The following CREB1 variants were observed in gnomAD, a reference collection of about 807,000 sequenced individuals.
CREB1 encodes the protein cyclic AMP-responsive element-binding protein 1.
CREB1 carries 2 observed loss-of-function variants against 42.0 expected under a neutral mutation model. The observed-to-expected ratio is 0.05, with a 90% CI of 0.02 to 0.15. The LOEUF (loss-of-function observed/expected upper bound fraction) is 0.15, where lower values mean the gene tolerates loss of function less well. Among genes scored for constraint, CREB1 ranks in the 10% least tolerant of loss-of-function variants. The pLI, the probability that CREB1 is intolerant of heterozygous loss-of-function variation, is 1.00. For missense variants in CREB1, 199 were observed against 388.9 expected, an observed-to-expected ratio of 0.51 and a Z score of 4.11; for synonymous variants, 123 against 139.9, an observed-to-expected ratio of 0.88 and a Z score of 0.85.
At chr2:207,557,969 AATAAGGTT>A (rs1454635758) in intron 2 of CREB1, among the ~76,000 whole-genome samples, 1 of 152,194 alleles carries the variant, frequency 6.6e-6, no homozygotes, top group Non-Finnish European at 1.5e-5. Flanking sequence ...AGATACTCTG[AATAAGGTT>A]ATGGTTCTCA....
intron 7 of CREB1, among the ~76,000 whole-genome samples, chr2:207,579,575 C>T (rs143539866): frequency 1.3e-5 from 2 of 152,304 alleles, no homozygotes; most frequent in Non-Finnish European, 2.9e-5. Flanking sequence ...AACTACAGTT[C>T]CTACCAGGCT....
At chr2:207,530,670 G>A (rs1448447162) in intron 1 of CREB1, among the ~76,000 whole-genome samples, 1 of 151,194 alleles carries the variant, frequency 6.6e-6, no homozygotes, top group South Asian at 2.1e-4. Flanking sequence ...GATGGAGGAG[G>A]AAGAAGGCGA....
Position 207,600,262 on chromosome 2 carries a change from T to C in CREB1, c.*3204T>C, listed in dbSNP as rs571061116. ...ACATATATATATATATATATATATA[T>C]ACATACAGTATATAATCTAAAGCTC... On this transcript the variant is annotated 3_prime_UTR_variant, in exon 8 of 8. Coordinates refer to ENST00000353267, the MANE Select transcript of CREB1 (RefSeq NM_004379.5). The C allele has an allele frequency of 3.6e-4, 56 of 153,620 alleles. No homozygotes were observed. The highest frequency in any genetic ancestry group is 9.9e-4 in the African/African-American group (38 of 38,492). 9.5% of individuals were successfully genotyped at this position (153,620 alleles called of 1,614,324 possible).
Position 207,571,322 on chromosome 2 carries a change from C to A in CREB1, c.505+1001C>A, listed in dbSNP as rs942574483. Among the ~76,000 whole-genome samples the A allele has an allele frequency of 2.0e-5, 3 of 152,060 alleles. No individual in the cohort carries two copies. The East Asian group carries it at 5.8e-4, about 29-fold the overall frequency. The stretch of plus-strand genomic sequence containing the variant: ...CCATCCAGGAGTTTAAGACCCCATC[C>A]CTATTTATAAAAATAATTTAAAAAT... On this transcript the variant is annotated intron_variant, in intron 5 of 7. Coordinates refer to ENST00000353267, the MANE Select transcript of CREB1 (RefSeq NM_004379.5).
chr2:207,585,492 A>G (rs975583130), intron 7 of CREB1, among the ~76,000 whole-genome samples: 1 of 152,240 alleles, frequency 6.6e-6, no homozygotes, highest in Non-Finnish European at 1.5e-5. Flanking sequence ...TTGCACAGAT[A>G]TCAAGATAAG....
In CREB1 at chr2:207,576,291, T is replaced by A. The variant is rs557691117; in HGVS notation, c.688+837T>A. Among the ~76,000 whole-genome samples, 15 of 151,028 alleles carry A rather than the reference T, an allele frequency of 9.9e-5. No individual in the cohort carries two copies. In the South Asian group the frequency reaches 3.1e-3, roughly 32 times the overall value. On this transcript the variant is annotated intron_variant, in intron 6 of 7. Coordinates refer to ENST00000353267, the MANE Select transcript of CREB1 (RefSeq NM_004379.5). ...TTTTTTCTGTTTATTTCAGGAATCT[T>A]TATGGATAGCAGTTAACCATTTTTC...
At chr2:207,567,396 T>G in intron 3 of CREB1, 67 bp from the exon 4 acceptor site, 1 of 1,141,720 alleles carries the variant, frequency 8.8e-7, no homozygotes, top group South Asian at 1.4e-5. Flanking sequence ...ACTTTTTATA[T>G]TTGTTTAATA....
At chr2:207,535,534 C>T (rs1470633472) in intron 1 of CREB1, among the ~76,000 whole-genome samples, 1 of 151,512 alleles carries the variant, frequency 6.6e-6, no homozygotes, top group Non-Finnish European at 1.5e-5. Flanking sequence ...TGTTAACTTA[C>T]CTTGACGATT....
chr2:207,553,992 A>C (rs2081617938), intron 1 of CREB1, among the ~76,000 whole-genome samples: 1 of 152,186 alleles, frequency 6.6e-6, no homozygotes, highest in Admixed American at 6.5e-5. Context: ...ACAATTTTGT[A>C]ATGGTTCTCT....
intron 1 of CREB1, among the ~76,000 whole-genome samples, chr2:207,537,953 C>T (rs897628248): frequency 6.6e-6 from 1 of 152,220 alleles, no homozygotes; most frequent in Non-Finnish European, 1.5e-5. Context: ...AATGAGCTAT[C>T]TTGGGGATGG....
chr2:207,600,966 G>A lies in CREB1; in HGVS notation c.*3908G>A, dbSNP rs561733446. The A allele has an allele frequency of 1.7e-5, 3 of 172,418 alleles. No homozygotes were observed. Among genetic ancestry groups the A allele is most frequent in the Admixed American group, 1.6e-4 (2 of 12,718 alleles). The allele number at this position is 172,418 out of a possible 1,614,324, so 10.7% of individuals were successfully genotyped here. A position where few individuals can be genotyped will look rare whatever the true frequency, so the allele number is the denominator to read the frequency against. Reference sequence around the variant, plus strand: ...ATTTTTAATTCTATGATCAGCCACAGTCAGCTATTACCATAAATTGGTCTC... The same window carrying A: ...ATTTTTAATTCTATGATCAGCCACAATCAGCTATTACCATAAATTGGTCTC... On this transcript the variant is annotated 3_prime_UTR_variant, in exon 8 of 8. Transcript: ENST00000353267.
At chr2:207,535,307 T>C (rs1169116415) in intron 1 of CREB1, among the ~76,000 whole-genome samples, 1 of 152,240 alleles carries the variant, frequency 6.6e-6, no homozygotes, top group South Asian at 2.1e-4. Flanking sequence ...TTAACTCTTT[T>C]GTTGAGGTTC....
At chr2:207,592,055 T>G (rs1339313833) in intron 7 of CREB1, among the ~76,000 whole-genome samples, 1 of 152,174 alleles carries the variant, frequency 6.6e-6, no homozygotes, top group Non-Finnish European at 1.5e-5. Context: ...TCCCTCTAGT[T>G]TTGTTTGAAA....
Position 207,603,143 on chromosome 2 carries a change from T to C in CREB1, c.*6085T>C, listed in dbSNP as rs982505601. 9.5e-6 allele frequency: 2 copies of C among 210,988 alleles called. No homozygotes were observed. The highest frequency in any genetic ancestry group is 1.2e-4 in the Admixed American group (2 of 17,014). 13.1% of individuals were successfully genotyped at this position (210,988 alleles called of 1,614,324 possible). A position where few individuals can be genotyped will look rare whatever the true frequency, so the allele number is the denominator to read the frequency against. The stretch of plus-strand genomic sequence containing the variant: ...ACATTTCTAATAAAATTCCCTACAT[T>C]CTAGAAACATCCCTGTTTTAATTTT... On this transcript the variant is annotated 3_prime_UTR_variant, in exon 8 of 8. Coordinates refer to ENST00000353267, the MANE Select transcript of CREB1 (RefSeq NM_004379.5).
At chr2:207,595,034 T>G (rs2085853144) in intron 7 of CREB1, among the ~76,000 whole-genome samples, 2 of 150,284 alleles carry the variant, frequency 1.3e-5, no homozygotes, top group Admixed American at 1.3e-4. Context: ...GCTCGCTCTG[T>G]TGCCTAGGTA....
In CREB1 at chr2:207,602,034, G is replaced by A. The variant is rs760532461; in HGVS notation, c.*4976G>A. On this transcript the variant is annotated 3_prime_UTR_variant, in exon 8 of 8. Transcript: ENST00000353267. Reference sequence around the variant, plus strand: ...CATATCATGAAGCTGAGTCAGTATGGAAAATTTTCAAATAAACAGGGTGCT... The same window carrying A: ...CATATCATGAAGCTGAGTCAGTATGAAAAATTTTCAAATAAACAGGGTGCT... 30 of 205,256 alleles carry A rather than the reference G, an allele frequency of 1.5e-4. No homozygotes were observed. The highest frequency in any genetic ancestry group is 2.2e-4 in the Non-Finnish European group (22 of 100,484). The allele number at this position is 205,256 out of a possible 1,614,324, so 12.7% of individuals were successfully genotyped here.
chr2:207,561,426 G>C (rs1169308939), intron 3 of CREB1, among the ~76,000 whole-genome samples: 3 of 152,102 alleles, frequency 2.0e-5, no homozygotes, highest in Admixed American at 2.0e-4. Flanking sequence ...TCAATCTCCT[G>C]AGGTAACCTG....
intron 7 of CREB1, among the ~76,000 whole-genome samples, chr2:207,587,471 G>A (rs1042281077): frequency 2.0e-5 from 3 of 151,550 alleles, no homozygotes; most frequent in Non-Finnish European, 4.4e-5. Flanking sequence ...CCTACTACTG[G>A]GTATCTATTC....
chr2:207,600,238 C>CATATATAT lies in CREB1; in HGVS notation c.*3198_*3205dup, dbSNP rs71036937. ...GTGGCATTTGTATAATATATGTGTA[C>CATATATAT]ATATATATATATATATATATATATA... On this transcript the variant is annotated 3_prime_UTR_variant, in exon 8 of 8. Transcript: ENST00000353267. 159 of 145,678 alleles carry CATATATAT rather than the reference C, an allele frequency of 1.1e-3. No individual in the cohort carries two copies. The highest frequency in any genetic ancestry group is 3.2e-3 in the Middle Eastern group (1 of 308). The allele number at this position is 145,678 out of a possible 1,614,324, so 9.0% of individuals were successfully genotyped here.
Sources: allele counts gnomAD v4.1 joint callset (sites outside exome capture counted in the v4.1 genomes callset), GRCh38; gene constraint gnomAD v4.1.1; transcripts MANE v1.5; gene names NCBI Gene and HGNC (gene_info 2026-07-23, HGNC 2026-07-21).